Variants in SDC4 observed in about 807,000 individuals in gnomAD.
SDC4 encodes syndecan-4.
Under a neutral mutation model 20.5 loss-of-function variants are expected in SDC4, and 17 were observed. The ratio of observed to expected loss-of-function variants is 0.83; its 90% CI spans 0.57 to 1.25. The LOEUF (loss-of-function observed/expected upper bound fraction) is 1.25. Among genes scored for constraint, SDC4 ranks in the 50% most tolerant of loss-of-function variants. The pLI, the probability that SDC4 is intolerant of heterozygous loss-of-function variation, is 0.00. For synonymous variants in SDC4, 107 were observed against 105.3 expected (o/e 1.02, Z -0.10); for missense variants, 241 against 252.3 (o/e 0.96, Z 0.30).
chr20:45,347,241 A>C (rs534099323), intron 1 of SDC4, among the ~76,000 whole-genome samples: 2 of 152,318 alleles, frequency 1.3e-5, no homozygotes, highest in South Asian at 4.1e-4. Context: ...CAGGAGCCCC[A>C]AGGCTTTCAA....
At chr20:45,331,630 G>A (rs893102316) in intron 3 of SDC4, among the ~76,000 whole-genome samples, 25 of 152,288 alleles carry the variant, frequency 1.6e-4, no homozygotes, top group Middle Eastern at 3.4e-3. Flanking sequence ...CCAAAAACAG[G>A]ATGGCAATGA....
intron 4 of SDC4, 25 bp from the exon 5 acceptor site, chr20:45,327,440 C>A (rs573774465): frequency 1.2e-6 from 2 of 1,605,976 alleles, no homozygotes; most frequent in Admixed American, 1.7e-5. Context: ...AGAGAAGAGG[C>A]GGGGGTGAGA....
intron 1 of SDC4, among the ~76,000 whole-genome samples, chr20:45,340,692 G>C (rs1256734093): frequency 1.3e-5 from 2 of 152,250 alleles, no homozygotes; most frequent in Non-Finnish European, 2.9e-5. Flanking sequence ...CCCCAGGGGA[G>C]GTAGGGTCGG....
chr20:45,348,380 G>T lies in SDC4; in HGVS notation c.5C>A (p.Ala2Asp), dbSNP rs200474606. M[A>D]PARLFALLLF... The stretch of plus-strand genomic sequence containing the variant: ...CAGCAGCGCGAACAGACGGGCGGGG[G>T]CCATGGCACCGCGGACTGGAGAAGG... The change falls in exon 1 of 5, where the codon GCC becomes GAC. Residue 2 changes from alanine (A) to aspartate (D), a missense_variant. Coordinates refer to ENST00000372733, the MANE Select transcript of SDC4 (RefSeq NM_002999.4). The T allele has an allele frequency of 1.5e-5, 23 of 1,578,654 alleles. No individual in the cohort carries two copies. Among genetic ancestry groups the T allele is most frequent in the Non-Finnish European group, 1.6e-5 (19 of 1,164,806 alleles).
chr20:45,335,853 G>A lies in SDC4; in HGVS notation c.128C>T (p.Pro43Leu). 1 of 1,614,046 alleles carries A rather than the reference G, an allele frequency of 6.2e-7. No individual in the cohort carries two copies. ...GGGCCCCACTACATCCTCATCGTCT[G>A]GTAGGGCTCCGGAGAAGTATCGGCC... is the stretch of plus-strand genomic sequence containing the variant. ...LEGRYFSGALPDDEDVVGPGQ... is the reference protein window; with the variant it reads ...LEGRYFSGALLDDEDVVGPGQ... Residue 43 changes from proline to leucine, a missense_variant, in exon 2 of 5, where the codon CCA becomes CTA. Coordinates refer to ENST00000372733, the MANE Select transcript of SDC4 (RefSeq NM_002999.4).
At chr20:45,330,620 C>T in intron 3 of SDC4, 56 bp from the exon 4 acceptor site, 5 of 1,460,156 alleles carry the variant, frequency 3.4e-6, no homozygotes, top group Non-Finnish European at 4.8e-6. Context: ...AGACTCAGGG[C>T]AGGGGACAGG....
chr20:45,330,272 C>A lies in SDC4; in HGVS notation c.445+94G>T, dbSNP rs975089511. Reference sequence around the variant, plus strand: ...GGCAAAAGGAAGGGGCACCAAGGAGCCTCATGGCTGGAGGCATCCCTGCCT... The same window carrying A: ...GGCAAAAGGAAGGGGCACCAAGGAGACTCATGGCTGGAGGCATCCCTGCCT... On this transcript the variant is annotated intron_variant, in intron 4 of 4. Transcript: ENST00000372733. 8 of 1,132,386 alleles carry A rather than the reference C, an allele frequency of 7.1e-6. No individual in the cohort carries two copies. The African/African-American group carries it at 1.1e-4, about 15-fold the overall frequency. 70.1% of individuals were successfully genotyped at this position (1,132,386 alleles called of 1,614,324 possible). A position where few individuals can be genotyped will look rare whatever the true frequency, so the allele number is the denominator to read the frequency against.
At chr20:45,336,689 G>T (rs1351993415) in intron 1 of SDC4, among the ~76,000 whole-genome samples, 2 of 152,062 alleles carry the variant, frequency 1.3e-5, no homozygotes, top group Non-Finnish European at 2.9e-5. Context: ...GTGATGCAGT[G>T]GCAGCTGATT....
At chr20:45,328,955 C>T (rs965885323) in intron 4 of SDC4, among the ~76,000 whole-genome samples, 13 of 152,204 alleles carry the variant, frequency 8.5e-5, no homozygotes, top group African/African-American at 3.1e-4. Context: ...GCTGGGATGC[C>T]CCACAGGGTC....
chr20:45,326,543 A>G lies in SDC4; in HGVS notation c.*721T>C, dbSNP rs1459542446. On this transcript the variant is annotated 3_prime_UTR_variant, in exon 5 of 5. Transcript: ENST00000372733. ...AATGAAGACACCTCGGCACCTCCAC[A>G]CTCTTGCCCAGGCAGAGATATACAC... is the stretch of plus-strand genomic sequence containing the variant. The G allele has an allele frequency of 6.6e-6, 1 of 152,354 alleles. No individual in the cohort carries two copies. The highest frequency in any genetic ancestry group is 1.5e-5 in the Non-Finnish European group (1 of 68,042). The allele number at this position is 152,354 out of a possible 1,614,324, so 9.4% of individuals were successfully genotyped here. A position where few individuals can be genotyped will look rare whatever the true frequency, so the allele number is the denominator to read the frequency against.
chr20:45,338,979 G>A (rs1402249061), intron 1 of SDC4, among the ~76,000 whole-genome samples: 1 of 152,116 alleles, frequency 6.6e-6, no homozygotes, highest in African/African-American at 2.4e-5. Flanking sequence ...GTGATAGGAG[G>A]ACACAGGGAA....
intron 1 of SDC4, among the ~76,000 whole-genome samples, chr20:45,342,123 C>G (rs1987960569): frequency 6.6e-6 from 1 of 152,108 alleles, no homozygotes; most frequent in Non-Finnish European, 1.5e-5. Context: ...CTGCTGGATC[C>G]GAGGGCTAGG....
intron 4 of SDC4, among the ~76,000 whole-genome samples, chr20:45,329,918 TGA>T (rs1987750150): frequency 6.6e-6 from 1 of 152,188 alleles, no homozygotes; most frequent in Non-Finnish European, 1.5e-5. Context: ...ATAAGGAAAC[TGA>T]GGCTCATCAA....
intron 4 of SDC4, among the ~76,000 whole-genome samples, chr20:45,329,027 C>G (rs1445521645): frequency 2.0e-5 from 3 of 152,208 alleles, no homozygotes; most frequent in Non-Finnish European, 2.9e-5. Flanking sequence ...AGGTCTGCCA[C>G]TTCCAGCTTT....
chr20:45,337,831 C>G (rs1987895834), intron 1 of SDC4, among the ~76,000 whole-genome samples: 1 of 152,234 alleles, frequency 6.6e-6, no homozygotes, highest in African/African-American at 2.4e-5. Flanking sequence ...CCAGGAATCA[C>G]TCTCTCCCGG....
At chr20:45,342,804 G>A (rs941046033) in intron 1 of SDC4, among the ~76,000 whole-genome samples, 2 of 152,120 alleles carry the variant, frequency 1.3e-5, no homozygotes, top group East Asian at 3.9e-4. Context: ...AGGATAAAAA[G>A]GTCTAAACCC....
At chr20:45,343,157 C>T (rs554993469) in intron 1 of SDC4, among the ~76,000 whole-genome samples, 1 of 152,280 alleles carries the variant, frequency 6.6e-6, no homozygotes, top group East Asian at 1.9e-4. Context: ...CCCAAGGTCA[C>T]CACTGTGTTA....
At chr20:45,333,440 G>A (rs143518268) in intron 2 of SDC4, among the ~76,000 whole-genome samples, 1,639 of 152,304 alleles carry the variant, frequency 0.011, 34 homozygotes, top group African/African-American at 0.037. Context: ...AGGCCAAGGC[G>A]GGCAGATCAC....
intron 1 of SDC4, among the ~76,000 whole-genome samples, chr20:45,344,510 C>T (rs1988002907): frequency 6.6e-6 from 1 of 152,208 alleles, no homozygotes; most frequent in African/African-American, 2.4e-5. Context: ...CTCGCCTGTC[C>T]AGTCCGGGAG....
Sources: gnomAD v4.1 joint callset for allele counts (sites outside exome capture counted in the v4.1 genomes callset) on GRCh38, gnomAD v4.1.1 for gene constraint, MANE v1.5 for transcripts, NCBI Gene and HGNC (gene_info 2026-07-23, HGNC 2026-07-21) for gene names.